TCTN1: variants seen among roughly 807,000 people sequenced by gnomAD.
TCTN1 encodes tectonic-1.
TCTN1 carries 58 observed loss-of-function variants against 65.8 expected under a neutral mutation model. The ratio of observed to expected loss-of-function variants is 0.88; its 90% CI spans 0.71 to 1.10. The LOEUF is 1.10. TCTN1 is among the 50% of genes least tolerant of loss of function. The pLI, the probability that TCTN1 is intolerant of heterozygous loss-of-function variation, is 0.00. For missense variants in TCTN1, 645 were observed against 719.4 expected (o/e 0.90, Z 1.18); for synonymous variants, 273 against 289.1 (o/e 0.94, Z 0.57).
At chr12:110,631,163 ACCATGTTGG>A (rs2066207343) in intron 4 of TCTN1, among the ~76,000 whole-genome samples, 1 of 151,604 alleles carries the variant, frequency 6.6e-6, no homozygotes, top group South Asian at 2.1e-4. Flanking sequence ...ATGGGGTTTC[ACCATGTTGG>A]CCAGGCTGGT....
chr12:110,644,519 T>C lies in TCTN1; in HGVS notation c.1332-448T>C. 4.2e-6 allele frequency: 1 copy of C among 237,888 alleles called. No homozygotes were observed. The highest frequency in any genetic ancestry group is 1.2e-4 in the East Asian group (1 of 8,418). 14.7% of individuals were successfully genotyped at this position (237,888 alleles called of 1,614,324 possible). A position where few individuals can be genotyped will look rare whatever the true frequency, so the allele number is the denominator to read the frequency against. ...GGTGAAACCCCGTCTCTACTAAAAA[T>C]ACAAAAAAATTAGCCAGGCATGGTG... is the stretch of plus-strand genomic sequence containing the variant. On this transcript the variant is annotated intron_variant, in intron 11 of 14. Transcript: ENST00000397659. The surrounding 1 kb of genome is among the most constrained non-coding windows in gnomAD (Gnocchi z 4.6).
chr12:110,644,566 T>A lies in TCTN1; in HGVS notation c.1332-401T>A. 1 of 278,878 alleles carries A rather than the reference T, an allele frequency of 3.6e-6. No homozygotes were observed. Among genetic ancestry groups the A allele is most frequent in the Non-Finnish European group, 7.0e-6 (1 of 143,428 alleles). 17.3% of individuals were successfully genotyped at this position (278,878 alleles called of 1,614,324 possible). A position where few individuals can be genotyped will look rare whatever the true frequency, so the allele number is the denominator to read the frequency against. Reference sequence around the variant, plus strand: ...GGTGGTGGGCACCTGTAGTCCCAGCTACTCAGGAGGCTGAGGCAGGAGAAT... The same window carrying A: ...GGTGGTGGGCACCTGTAGTCCCAGCAACTCAGGAGGCTGAGGCAGGAGAAT... On this transcript the variant is annotated intron_variant, in intron 11 of 14. Transcript: ENST00000397659. This position sits in a 1 kb window ranked among gnomAD's most constrained non-coding sequence, Gnocchi z 4.6.
At chr12:110,618,073 CTTT>C (rs1177692303) in intron 1 of TCTN1, among the ~76,000 whole-genome samples, 7 of 134,926 alleles carry the variant, frequency 5.2e-5, no homozygotes, top group Non-Finnish European at 4.8e-5. Flanking sequence ...GGCTTGAGAT[CTTT>C]TTTTTTTTTT....
Position 110,624,059 on chromosome 12 carries a change from A to C in TCTN1, c.342-2303A>C, listed in dbSNP as rs573399012. 9.2e-5 allele frequency among the ~76,000 whole-genome samples: 14 copies of C among 151,412 alleles called. No individual in the cohort carries two copies. In the East Asian group the frequency reaches 2.7e-3, roughly 29 times the overall value. ...CCATTTTTATTATGACTATCTCTAT[A>C]CTATTATCTGTCTGTCCAGCTATCT... On this transcript the variant is annotated intron_variant, in intron 2 of 14. Coordinates refer to ENST00000397659, the MANE Select transcript of TCTN1 (RefSeq NM_001082538.3).
chr12:110,641,766 C>T, intron 10 of TCTN1, 139 bp downstream of exon 10: 3 of 863,030 alleles, frequency 3.5e-6, no homozygotes, highest in African/African-American at 1.7e-5. Context: ...CTGCAGGCGG[C>T]TCTGGTGGGC....
At chr12:110,614,423 C>G in intron 1 of TCTN1, 21 bp downstream of exon 1, 2 of 1,578,226 alleles carry the variant, frequency 1.3e-6, no homozygotes, top group Non-Finnish European at 1.7e-6. Flanking sequence ...TGTGCCAGCT[C>G]CTGGAGTCCA....
At chr12:110,632,974 A>G (rs552007141) in intron 5 of TCTN1, among the ~76,000 whole-genome samples, 11 of 152,322 alleles carry the variant, frequency 7.2e-5, no homozygotes, top group African/African-American at 2.6e-4. Flanking sequence ...AAGTGCTTGT[A>G]TGTGTTTTCC....
chr12:110,620,004 TA>T, intron 2 of TCTN1, 48 bp downstream of exon 2: 1 of 1,613,908 alleles, frequency 6.2e-7, no homozygotes, highest in Non-Finnish European at 8.5e-7. Context: ...TTGACCAGGA[TA>T]ATACAATTTG....
intron 7 of TCTN1, among the ~76,000 whole-genome samples, chr12:110,638,608 T>A (rs2066740629): frequency 6.6e-6 from 1 of 152,198 alleles, no homozygotes; most frequent in Non-Finnish European, 1.5e-5. Context: ...AGCACAGCGC[T>A]ACTGTTTCCT....
chr12:110,643,132 G>A (rs2067073081), intron 11 of TCTN1, among the ~76,000 whole-genome samples: 1 of 151,106 alleles, frequency 6.6e-6, no homozygotes, highest in South Asian at 2.1e-4. Context: ...TGAACTCCTG[G>A]GCTCAAGCAG....
rs551918191 is a variant in TCTN1 at position 110,640,875 on chromosome 12, A to G, written c.979-149A>G. The stretch of plus-strand genomic sequence containing the variant: ...CTGCTAGGGGTGGTGCTGAGGGAAC[A>G]CCTCTCATAATCCAACTGGACAGCA... On this transcript the variant is annotated intron_variant, in intron 8 of 14. Coordinates refer to ENST00000397659, the MANE Select transcript of TCTN1 (RefSeq NM_001082538.3). This position sits in a 1 kb window ranked among gnomAD's most constrained non-coding sequence, Gnocchi z 4.9. 1.1e-4 allele frequency: 127 copies of G among 1,151,442 alleles called. 1 individual carries two copies. The South Asian group carries it at 1.6e-3, about 14-fold the overall frequency. The allele number at this position is 1,151,442 out of a possible 1,614,324, so 71.3% of individuals were successfully genotyped here.
intron 5 of TCTN1, 155 bp from the exon 6 acceptor site, chr12:110,634,514 TA>T: frequency 5.9e-6 from 4 of 676,154 alleles, no homozygotes; most frequent in Non-Finnish European, 7.6e-6. Context: ...TTGTCTCTAC[TA>T]AAAAAACAAA....
Position 110,614,149 on chromosome 12 carries a change from C to T in TCTN1, c.-34C>T, listed in dbSNP as rs1363549841. On this transcript the variant is annotated 5_prime_UTR_variant, in exon 1 of 15. Transcript: ENST00000397659. ...TCGCGGTTGCCGGGCAACGCGCTGT[C>T]CATGTCGCGGGCCTCGCTGGGACTC... 1.9e-6 allele frequency: 3 copies of T among 1,545,772 alleles called. No individual in the cohort carries two copies. The highest frequency in any genetic ancestry group is 1.7e-6 in the Non-Finnish European group (2 of 1,146,788).
chr12:110,622,269 C>T (rs1173236710), intron 2 of TCTN1, among the ~76,000 whole-genome samples: 1 of 152,148 alleles, frequency 6.6e-6, no homozygotes, highest in Non-Finnish European at 1.5e-5. Context: ...GGCCAAAAAC[C>T]TGGAGGCTCC....
intron 12 of TCTN1, 182 bp downstream of exon 12, chr12:110,645,311 T>C (rs1054115728): frequency 2.8e-6 from 2 of 715,134 alleles, no homozygotes; most frequent in African/African-American, 3.5e-5. Flanking sequence ...AGCAGTTTTA[T>C]GGCTTTGAGC....
rs1565996371 is a variant in TCTN1, at chr12:110,639,032, C to T, written c.844-1351C>T. Among the ~76,000 whole-genome samples, 2 of 152,318 alleles carry T rather than the reference C, an allele frequency of 1.3e-5. No homozygotes were observed. The highest frequency in any genetic ancestry group is 6.5e-5 in the Admixed American group (1 of 15,292). On this transcript the variant is annotated intron_variant, in intron 7 of 14. Transcript: ENST00000397659. The surrounding 1 kb of genome is among the most constrained non-coding windows in gnomAD (Gnocchi z 4.9). ...CACTTTCTTCTATGAGAGGTTTTGA[C>T]TCGCAGGTCTTCTTGGTCATGGGAG...
intron 2 of TCTN1, among the ~76,000 whole-genome samples, chr12:110,624,006 G>A (rs2065639610): frequency 1.3e-5 from 2 of 152,022 alleles, no homozygotes; most frequent in Admixed American, 1.3e-4. Context: ...AGTGAGAAAA[G>A]CCTTAAAACA....
rs1182390950 is a variant in TCTN1 at position 110,641,016 on chromosome 12, G to A, written c.979-8G>A. On this transcript the variant is annotated splice_polypyrimidine_tract_variant and splice_region_variant and intron_variant, in intron 8 of 14. Coordinates refer to ENST00000397659, the MANE Select transcript of TCTN1 (RefSeq NM_001082538.3). ...ACAGGTATATTTGGAGTATCATTTT[G>A]TTTTTAGGTAAAGTACAGCCTCACA... is the stretch of plus-strand genomic sequence containing the variant. 1.2e-6 allele frequency: 2 copies of A among 1,614,178 alleles called. No individual in the cohort carries two copies. The highest frequency in any genetic ancestry group is 2.2e-5 in the East Asian group (1 of 44,888).
chr12:110,633,725 CCT>C (rs1397102615), intron 5 of TCTN1, among the ~76,000 whole-genome samples: 1 of 152,102 alleles, frequency 6.6e-6, no homozygotes, highest in Non-Finnish European at 1.5e-5. Context: ...ACCATTTTCC[CCT>C]GTCAGATTGG....
Sources: gnomAD v4.1 joint callset for allele counts (sites outside exome capture counted in the v4.1 genomes callset) on GRCh38, gnomAD v4.1.1 for gene constraint, Gnocchi (gnomAD v3.1) non-coding constraint, MANE v1.5 for transcripts, NCBI Gene and HGNC (gene_info 2026-07-23, HGNC 2026-07-21) for gene names.